CSMD1: variants seen among roughly 807,000 people sequenced by gnomAD.
The protein encoded by CSMD1 is CUB and Sushi multiple domains 1, also known as CUB and sushi domain-containing protein 1.
CSMD1 carries 213 observed loss-of-function variants against 417.5 expected under a neutral mutation model. The observed-to-expected ratio is 0.51, with a 90% CI of 0.46 to 0.57. CSMD1 has a LOEUF of 0.57. CSMD1 is among the 20% of genes least tolerant of loss of function. The probability of loss-of-function intolerance (pLI) is 0.00; values close to 1 mark genes in which losing one functional copy is unlikely to be tolerated. For missense variants in CSMD1, 6,923 were observed against 4,529.7 expected (o/e 1.53, Z -15.17); for synonymous variants, 2,862 against 1,736.8 (o/e 1.65, Z -16.11).
intron 8 of CSMD1, among the ~76,000 whole-genome samples, chr8:3,600,851 C>T (rs1290756529): frequency 1.3e-5 from 2 of 151,650 alleles, no homozygotes; most frequent in Non-Finnish European, 2.9e-5. Flanking sequence ...TGCAATATTG[C>T]AAACACAGTA....
At position 3,946,721 on chromosome 8, in the gene CSMD1, G is replaced by A. The variant is rs962727287; in HGVS notation, c.818+51182C>T. ...CTCCCCTTTTCATTTTTCATATTTT[G>A]TTAGGTCTTTAGTAATTTCTCTCAG... On this transcript the variant is annotated intron_variant, in intron 5 of 69. Transcript: ENST00000635120. Among the ~76,000 whole-genome samples the A allele has an allele frequency of 1.9e-4, 29 of 151,986 alleles. No homozygotes were observed. In the East Asian group the frequency reaches 3.5e-3, roughly 18 times the overall value.
intron 11 of CSMD1, among the ~76,000 whole-genome samples, chr8:3,477,058 A>G (rs1233064650): frequency 2.0e-5 from 3 of 152,194 alleles, no homozygotes. Context: ...ACAGATCTAT[A>G]CATGTATTTA....
intron 2 of CSMD1, among the ~76,000 whole-genome samples, chr8:4,597,598 T>C (rs914089199): frequency 6.6e-6 from 1 of 152,010 alleles, no homozygotes; most frequent in Non-Finnish European, 1.5e-5. Flanking sequence ...AACACAGAAA[T>C]GAAAATGGAA....
At chr8:3,381,116 A>T (rs958292151) in intron 18 of CSMD1, among the ~76,000 whole-genome samples, 3 of 152,126 alleles carry the variant, frequency 2.0e-5, no homozygotes, top group Non-Finnish European at 4.4e-5. Flanking sequence ...ACGTAATTCA[A>T]TGACTGTGCT....
chr8:4,218,304 G>C (rs566871973), intron 3 of CSMD1, among the ~76,000 whole-genome samples: 1 of 152,160 alleles, frequency 6.6e-6, no homozygotes, highest in African/African-American at 2.4e-5. Context: ...TTCCTATACT[G>C]TGAATTCTTA....
chr8:3,488,305 A>T (rs1818175064), intron 11 of CSMD1, among the ~76,000 whole-genome samples: 1 of 151,898 alleles, frequency 6.6e-6, no homozygotes, highest in East Asian at 1.9e-4. Flanking sequence ...ACGGAGTTTC[A>T]TCCTGTTGCC....
At chr8:3,691,902 G>A (rs76904276) in intron 7 of CSMD1, among the ~76,000 whole-genome samples, 18 of 152,208 alleles carry the variant, frequency 1.2e-4, no homozygotes, top group African/African-American at 4.3e-4. Flanking sequence ...TCAAGATTAA[G>A]CATGTTTCAC....
At chr8:4,922,059 A>C (rs11774735) in intron 1 of CSMD1, among the ~76,000 whole-genome samples, 26,991 of 152,090 alleles carry the variant, frequency 0.18, 2,940 homozygotes, top group East Asian at 0.33. Context: ...TGCCCTCTTC[A>C]CTTGTACCCA....
At chr8:4,311,394 C>A (rs1056374162) in intron 3 of CSMD1, among the ~76,000 whole-genome samples, 1 of 152,114 alleles carries the variant, frequency 6.6e-6, no homozygotes. Context: ...CAAACTAATG[C>A]AGGAACAGAA....
intron 65 of CSMD1, 32 bp from the exon 66 acceptor site, chr8:2,951,307 G>C: frequency 7.0e-6 from 11 of 1,572,754 alleles, no homozygotes; most frequent in Non-Finnish European, 9.5e-6. Flanking sequence ...ACCAATGTCA[G>C]CACACACACA....
At chr8:4,162,616 CAA>C (rs1237001046) in intron 3 of CSMD1, among the ~76,000 whole-genome samples, 1 of 152,026 alleles carries the variant, frequency 6.6e-6, no homozygotes, top group African/African-American at 2.4e-5. Context: ...TCTAGGTTCA[CAA>C]AAAACATTGA....
rs746379897 is a variant in CSMD1, at chr8:4,753,649, T to C, written c.86-116091A>G. Among the ~76,000 whole-genome samples the C allele has an allele frequency of 2.6e-4, 39 of 152,192 alleles. 1 individual carries two copies. The highest frequency in any genetic ancestry group is 3.1e-4 in the Non-Finnish European group (21 of 68,046). On this transcript the variant is annotated intron_variant, in intron 1 of 69. Transcript: ENST00000635120. The stretch of plus-strand genomic sequence containing the variant: ...CTGTTCCGCAGCAGGACATGACCTT[T>C]TGATGCTGCCTTCTTCTCAGGTTCC...
rs141035420 is a variant in CSMD1, at chr8:4,247,049, T to G, written c.415+172904A>C. On this transcript the variant is annotated intron_variant, in intron 3 of 69. Coordinates refer to ENST00000635120, the MANE Select transcript of CSMD1 (RefSeq NM_033225.6). ...AAATATCATTCAAAACCTTAAAATA[T>G]AAAGTGAAGAAGACATCCAAGGGCT... Among the ~76,000 whole-genome samples, 560 of 152,248 alleles carry G rather than the reference T, an allele frequency of 3.7e-3. 2 individuals carry two copies. Among genetic ancestry groups the G allele is most frequent in the African/African-American group, 0.013 (537 of 41,542 alleles).
At chr8:4,232,427 G>A (rs1247905144) in intron 3 of CSMD1, among the ~76,000 whole-genome samples, 1 of 152,130 alleles carries the variant, frequency 6.6e-6, no homozygotes, top group Non-Finnish European at 1.5e-5. Context: ...TTGAACTCCT[G>A]ACCTCAGGTG....
Position 3,308,224 on chromosome 8 carries a change from C to A in CSMD1, c.3823+88G>T, listed in dbSNP as rs561589628. 63 of 1,031,352 alleles carry A rather than the reference C, an allele frequency of 6.1e-5. No homozygotes were observed. The South Asian group carries it at 9.6e-4, about 16-fold the overall frequency. The allele number at this position is 1,031,352 out of a possible 1,614,324, so 63.9% of individuals were successfully genotyped here. A position where few individuals can be genotyped will look rare whatever the true frequency, so the allele number is the denominator to read the frequency against. On this transcript the variant is annotated intron_variant, in intron 24 of 69. Coordinates refer to ENST00000635120, the MANE Select transcript of CSMD1 (RefSeq NM_033225.6). The stretch of plus-strand genomic sequence containing the variant: ...TGGAAAGTGTGATAAAATTCCTCCT[C>A]TTTTCCAATAAAGGAAGTCAATGCA...
chr8:3,574,606 A>G (rs1800070858), intron 10 of CSMD1, among the ~76,000 whole-genome samples: 1 of 152,230 alleles, frequency 6.6e-6, no homozygotes, highest in Non-Finnish European at 1.5e-5. Context: ...TAGTCATACT[A>G]TGCATAAATA....
intron 3 of CSMD1, among the ~76,000 whole-genome samples, chr8:4,110,830 C>T (rs1801813034): frequency 6.6e-6 from 1 of 151,964 alleles, no homozygotes; most frequent in African/African-American, 2.4e-5. Flanking sequence ...TCTATTTCTA[C>T]TTTTTTTAAG....
At chr8:4,264,504 T>TAC (rs1459071550) in intron 3 of CSMD1, among the ~76,000 whole-genome samples, 1 of 152,140 alleles carries the variant, frequency 6.6e-6, no homozygotes, top group African/African-American at 2.4e-5. Context: ...AGCTAATGTG[T>TAC]ACCCCCCCTG....
chr8:4,301,088 G>A (rs1797957333), intron 3 of CSMD1, among the ~76,000 whole-genome samples: 1 of 152,172 alleles, frequency 6.6e-6, no homozygotes, highest in African/African-American at 2.4e-5. Flanking sequence ...GATGCCTAAT[G>A]AGTTCCCATT....
Sources: gnomAD v4.1 joint callset for allele counts (sites outside exome capture counted in the v4.1 genomes callset) on GRCh38, gnomAD v4.1.1 for gene constraint, MANE v1.5 for transcripts, NCBI Gene and HGNC (gene_info 2026-07-23, HGNC 2026-07-21) for gene names.